The following MLLT3 variants were observed in gnomAD, a reference collection of about 807,000 sequenced individuals.
The protein encoded by MLLT3 is protein AF-9.
In MLLT3, 4 loss-of-function variants were observed where a neutral mutation model predicts 53.2. That is an observed-to-expected ratio of 0.08 (90% CI 0.04 to 0.17). The LOEUF is 0.17. Among genes scored for constraint, MLLT3 ranks in the 10% least tolerant of loss-of-function variants. The pLI is 1.00. For synonymous variants in MLLT3, 283 were observed against 230.6 expected (o/e 1.23, Z -2.06); for missense variants, 569 against 684.0 (o/e 0.83, Z 1.87).
chr9:20,476,892 A>G (rs1261558709), intron 2 of MLLT3, among the ~76,000 whole-genome samples: 6 of 152,192 alleles, frequency 3.9e-5, no homozygotes. Context: ...ACCATAGCAT[A>G]CGTTAAGGAA....
chr9:20,413,459 C>T (rs1822782438), intron 5 of MLLT3, among the ~76,000 whole-genome samples: 1 of 152,162 alleles, frequency 6.6e-6, no homozygotes, highest in Non-Finnish European at 1.5e-5. Flanking sequence ...TTTTCTGCTG[C>T]TATTCAAATG....
intron 7 of MLLT3, among the ~76,000 whole-genome samples, chr9:20,361,470 C>T (rs985556515): frequency 1.3e-5 from 2 of 152,142 alleles, no homozygotes; most frequent in Non-Finnish European, 2.9e-5. Context: ...ATGTGGAGCC[C>T]GGCATGCTAG....
At chr9:20,389,854 G>A (rs1431495837) in intron 5 of MLLT3, among the ~76,000 whole-genome samples, 1 of 152,190 alleles carries the variant, frequency 6.6e-6, no homozygotes, top group Non-Finnish European at 1.5e-5. Context: ...TTTAAACAAA[G>A]TTGCATTTTA....
At chr9:20,419,813 A>G (rs977258169) in intron 4 of MLLT3, among the ~76,000 whole-genome samples, 2 of 152,234 alleles carry the variant, frequency 1.3e-5, no homozygotes, top group East Asian at 3.8e-4. Flanking sequence ...TAGTCAAACA[A>G]TAACTGAACC....
chr9:20,592,628 G>C (rs1820157234), intron 2 of MLLT3, among the ~76,000 whole-genome samples: 2 of 152,116 alleles, frequency 1.3e-5, no homozygotes, highest in Non-Finnish European at 2.9e-5. Flanking sequence ...GCATGGGTAG[G>C]GGGCACATAA....
At chr9:20,549,788 A>C (rs1818882761) in intron 2 of MLLT3, among the ~76,000 whole-genome samples, 1 of 152,156 alleles carries the variant, frequency 6.6e-6, no homozygotes. Flanking sequence ...AATACATGAA[A>C]ACTTCTTTCC....
intron 4 of MLLT3, among the ~76,000 whole-genome samples, chr9:20,439,478 A>C (rs1220097232): frequency 6.6e-6 from 1 of 151,730 alleles, no homozygotes; most frequent in Non-Finnish European, 1.5e-5. Context: ...CTGTATTGTC[A>C]AAACCATGAA....
chr9:20,529,022 A>G (rs1254309073), intron 2 of MLLT3, among the ~76,000 whole-genome samples: 1 of 152,230 alleles, frequency 6.6e-6, no homozygotes, highest in Non-Finnish European at 1.5e-5. Flanking sequence ...TACCAGTGTC[A>G]TGCTACAGAT....
chr9:20,365,312 G>C (rs1821421619), intron 6 of MLLT3, among the ~76,000 whole-genome samples: 1 of 152,034 alleles, frequency 6.6e-6, no homozygotes, highest in African/African-American at 2.4e-5. Context: ...GATAAATCAA[G>C]ACATTAAGAT....
rs117871593 is a variant in MLLT3 at position 20,608,977 on chromosome 9, T to C, written c.193+11677A>G. The stretch of plus-strand genomic sequence containing the variant: ...TACTTCTCAAAATGTGGGGTAAAGA[T>C]GAACAAATCTAGCCATTCTAACACA... On this transcript the variant is annotated intron_variant, in intron 2 of 10. Coordinates refer to ENST00000380338, the MANE Select transcript of MLLT3 (RefSeq NM_004529.4). Among the ~76,000 whole-genome samples, 53 of 152,092 alleles carry C rather than the reference T, an allele frequency of 3.5e-4. No individual in the cohort carries two copies. The East Asian group carries it at 9.6e-3, about 28-fold the overall frequency.
intron 4 of MLLT3, among the ~76,000 whole-genome samples, chr9:20,432,418 T>C (rs186807414): frequency 9.2e-5 from 14 of 152,284 alleles, no homozygotes; most frequent in Admixed American, 8.5e-4. Flanking sequence ...TTACCAAAAG[T>C]ATAATGAGAA....
chr9:20,342,618 A>G lies in MLLT3; in HGVS notation c.*3825T>C, dbSNP rs537616500. The G allele has an allele frequency of 4.6e-6, 1 of 216,246 alleles. No individual in the cohort carries two copies. The highest frequency in any genetic ancestry group is 1.9e-4 in the South Asian group (1 of 5,380). The allele number at this position is 216,246 out of a possible 1,614,324, so 13.4% of individuals were successfully genotyped here. On this transcript the variant is annotated 3_prime_UTR_variant, in exon 11 of 11. Transcript: ENST00000380338. ...CCTTTTAAATTGACTTCTTCACTGC[A>G]TCTTTACAAGGAATATTCAGGGATG...
At chr9:20,363,682 C>A in intron 6 of MLLT3, 77 bp from the exon 7 acceptor site, 1 of 1,388,806 alleles carries the variant, frequency 7.2e-7, no homozygotes, top group Non-Finnish European at 9.9e-7. Context: ...CAGGGGGATG[C>A]TTACCAGCAC....
intron 5 of MLLT3, among the ~76,000 whole-genome samples, chr9:20,389,350 G>A (rs1187208150): frequency 6.6e-6 from 1 of 152,196 alleles, no homozygotes; most frequent in Admixed American, 6.5e-5. Context: ...CTGGTTGCCT[G>A]TGATTGCCTA....
At chr9:20,452,165 T>C (rs965420603) in intron 3 of MLLT3, among the ~76,000 whole-genome samples, 1 of 152,206 alleles carries the variant, frequency 6.6e-6, no homozygotes, top group South Asian at 2.1e-4. Flanking sequence ...CTGTGAAAAC[T>C]CTGAACAACA....
At chr9:20,378,255 G>T (rs151066804) in intron 5 of MLLT3, among the ~76,000 whole-genome samples, 255 of 152,126 alleles carry the variant, frequency 1.7e-3, no homozygotes, top group African/African-American at 4.2e-3. Context: ...GGTTTACAGG[G>T]AGAGATGAGT....
intron 2 of MLLT3, among the ~76,000 whole-genome samples, chr9:20,538,574 T>C (rs1199334642): frequency 1.3e-5 from 2 of 152,196 alleles, no homozygotes; most frequent in African/African-American, 4.8e-5. Context: ...TATACCAAAG[T>C]TGCTCCAAAC....
At chr9:20,618,819 A>G (rs892916594) in intron 2 of MLLT3, among the ~76,000 whole-genome samples, 6 of 152,248 alleles carry the variant, frequency 3.9e-5, no homozygotes, top group Admixed American at 6.5e-5. Context: ...CAGAAAAACA[A>G]TGGTAAAATA....
intron 6 of MLLT3, among the ~76,000 whole-genome samples, chr9:20,365,314 C>T (rs1205287360): frequency 6.6e-6 from 1 of 151,960 alleles, no homozygotes; most frequent in Non-Finnish European, 1.5e-5. Flanking sequence ...TAAATCAAGA[C>T]ATTAAGATGG....
Sources: gnomAD v4.1 joint callset for allele counts (sites outside exome capture counted in the v4.1 genomes callset) on GRCh38, gnomAD v4.1.1 for gene constraint, MANE v1.5 for transcripts, NCBI Gene and HGNC (gene_info 2026-07-23, HGNC 2026-07-21) for gene names.